Variants in TBATA observed in about 807,000 individuals in gnomAD.
TBATA encodes the protein thymus, brain and testes associated.
A neutral mutation model predicts 38.7 loss-of-function variants in TBATA; 47 were observed. The ratio of observed to expected loss-of-function variants is 1.21; its 90% CI spans 0.96 to 1.55. The LOEUF is 1.55. TBATA is among the 40% of genes most tolerant of loss of function. The probability of loss-of-function intolerance (pLI) is 0.00; values close to 1 mark genes in which losing one functional copy is unlikely to be tolerated. For missense variants in TBATA, 436 were observed against 435.6 expected (o/e 1.00, Z -0.01); for synonymous variants, 183 against 170.5 (o/e 1.07, Z -0.57).
At chr10:70,778,765 G>A (rs773887915) in intron 5 of TBATA, 129 bp from the exon 6 acceptor site, 1 of 833,552 alleles carries the variant, frequency 1.2e-6, no homozygotes, top group Non-Finnish European at 2.0e-6. Flanking sequence ...AAGGGAAAGG[G>A]GGAGGCGGTG....
chr10:70,781,672 C>A, intron 4 of TBATA, 129 bp downstream of exon 4: 1 of 910,424 alleles, frequency 1.1e-6, no homozygotes. Flanking sequence ...TTTGGCAGCC[C>A]TGGGATCCTG....
intron 1 of TBATA, among the ~76,000 whole-genome samples, 194 bp downstream of exon 1, chr10:70,785,091 T>C (rs561419637): frequency 8.8e-4 from 134 of 152,312 alleles, no homozygotes; most frequent in African/African-American, 3.2e-3. Context: ...GCCTGCCTTG[T>C]CCAGAGCGGG....
At position 70,781,875 on chromosome 10, in the gene TBATA, CA is replaced by C; in HGVS notation, c.202del (p.Cys68AlafsTer21). ...TPKPQTPGTY[C>X]FGRLSHHSFF... ...GGAGTGGTGACTGAGGCGTCCAAAGCAGTAGGTGCCAGGGGTTTGGGGCTTT... is the reference window on the plus strand; with the variant it reads ...GGAGTGGTGACTGAGGCGTCCAAAGCGTAGGTGCCAGGGGTTTGGGGCTTT... On this transcript the variant is annotated frameshift_variant, in exon 4 of 11. Transcript: ENST00000456372. LOFTEE classifies it high-confidence loss of function. The C allele has an allele frequency of 6.2e-7, 1 of 1,614,194 alleles. No homozygotes were observed. The highest frequency in any genetic ancestry group is 1.1e-5 in the South Asian group (1 of 91,090).
At chr10:70,782,636 G>A (rs1047593189) in intron 3 of TBATA, 14 of 985,302 alleles carry the variant, frequency 1.4e-5, no homozygotes, top group East Asian at 2.3e-4. Flanking sequence ...GGGCTGTGGC[G>A]CTGAGGGAAG....
chr10:70,778,533 C>G, intron 6 of TBATA, 24 bp downstream of exon 6: 1 of 1,610,292 alleles, frequency 6.2e-7, no homozygotes. Context: ...TCTTCCCAGA[C>G]TAGCTCCTGT....
chr10:70,772,200 T>G (rs1842857468), intron 10 of TBATA: 3 of 559,416 alleles, frequency 5.4e-6, no homozygotes, highest in Non-Finnish European at 1.1e-5. Flanking sequence ...GCCTTGTTAT[T>G]CTCCTTACAG....
At chr10:70,779,841 A>C (rs1589408060) in intron 4 of TBATA, 99 bp from the exon 5 acceptor site, 1 of 1,277,176 alleles carries the variant, frequency 7.8e-7, no homozygotes, top group Non-Finnish European at 1.1e-6. Context: ...TTCCGGCTCC[A>C]CCTCTTCCAG....
intron 6 of TBATA, 116 bp downstream of exon 6, chr10:70,778,441 G>A (rs918178185): frequency 3.0e-6 from 3 of 1,005,730 alleles, no homozygotes; most frequent in Non-Finnish European, 4.8e-6. Flanking sequence ...ACGTTTGTAT[G>A]AATCAGTCCC....
chr10:70,780,352 C>A (rs771851358), intron 4 of TBATA, among the ~76,000 whole-genome samples: 2 of 152,064 alleles, frequency 1.3e-5, no homozygotes, highest in African/African-American at 4.8e-5. Flanking sequence ...TGGCAAGGAC[C>A]TAGCAGGGCT....
intron 9 of TBATA, among the ~76,000 whole-genome samples, chr10:70,773,973 C>T (rs774749325): frequency 2.6e-5 from 4 of 152,246 alleles, no homozygotes; most frequent in African/African-American, 7.2e-5. Flanking sequence ...AAATTGACTC[C>T]GGTGGCCCCC....
intron 9 of TBATA, among the ~76,000 whole-genome samples, 161 bp from the exon 10 acceptor site, chr10:70,772,727 C>T (rs1185757359): frequency 1.3e-5 from 2 of 152,140 alleles, no homozygotes; most frequent in African/African-American, 4.8e-5. Flanking sequence ...CAGAAAACAT[C>T]TGTCCATGAC....
intron 4 of TBATA, among the ~76,000 whole-genome samples, chr10:70,780,237 C>CA (rs1843997680): frequency 8.6e-5 from 13 of 151,552 alleles, no homozygotes; most frequent in Admixed American, 2.6e-4. Flanking sequence ...AGGCTGCGTG[C>CA]AGGGCAGCCT....
In TBATA at chr10:70,771,304, TGGTGG is replaced by T; in HGVS notation, c.*67_*71del. On this transcript the variant is annotated 3_prime_UTR_variant, in exon 11 of 11. Transcript: ENST00000456372. ...AGGGAATCAGGTACTGCTGTGAAGGTGGTGGAGACAGAAACACCCCTGAACCCTTG... is the reference window on the plus strand; with the variant it reads ...AGGGAATCAGGTACTGCTGTGAAGGTAGACAGAAACACCCCTGAACCCTTG... The T allele has an allele frequency of 6.2e-7, 1 of 1,613,482 alleles. No individual in the cohort carries two copies. The highest frequency in any genetic ancestry group is 8.5e-7 in the Non-Finnish European group (1 of 1,179,628).
chr10:70,772,485 C>T, intron 10 of TBATA, 29 bp downstream of exon 10: 1 of 1,612,286 alleles, frequency 6.2e-7, no homozygotes, highest in South Asian at 1.1e-5. Flanking sequence ...TGGTGAGTCC[C>T]CCAAATGACC....
intron 4 of TBATA, 130 bp from the exon 5 acceptor site, chr10:70,779,872 A>T (rs1248695580): frequency 6.1e-6 from 6 of 991,298 alleles, no homozygotes; most frequent in Non-Finnish European, 8.6e-6. Context: ...CTGATAGATT[A>T]TCAGAGCTGG....
chr10:70,776,312 G>A lies in TBATA; in HGVS notation c.693+841C>T, dbSNP rs181273414. The A allele has an allele frequency of 1.2e-4, 57 of 456,328 alleles. No individual in the cohort carries two copies. In the East Asian group the frequency reaches 3.8e-3, roughly 30 times the overall value. The allele number at this position is 456,328 out of a possible 1,614,324, so 28.3% of individuals were successfully genotyped here. Reference sequence around the variant, plus strand: ...GCCCCTGGGCCCTTCTCCATTCTCTGTGTCCAACTTACCTGCCTTGTGCCC... The same window carrying A: ...GCCCCTGGGCCCTTCTCCATTCTCTATGTCCAACTTACCTGCCTTGTGCCC... On this transcript the variant is annotated intron_variant, in intron 7 of 10. Coordinates refer to ENST00000456372, the MANE Select transcript of TBATA (RefSeq NM_001318241.2).
At chr10:70,777,002 A>C in intron 7 of TBATA, 151 bp downstream of exon 7, 1 of 730,020 alleles carries the variant, frequency 1.4e-6, no homozygotes, top group Non-Finnish European at 2.1e-6. Flanking sequence ...GCAGGGGGTC[A>C]TAGCCCCTGC....
rs764219547 is a variant in TBATA at position 70,781,816 on chromosome 10, C to T, written c.262G>A (p.Val88Met). 38 of 1,613,850 alleles carry T rather than the reference C, an allele frequency of 2.4e-5. No homozygotes were observed. The highest frequency in any genetic ancestry group is 6.6e-5 in the South Asian group (6 of 91,078). The change falls in exon 4 of 11, where the codon GTG (valine) becomes ATG (methionine). Residue 88 changes from valine to methionine, a missense_variant. By Grantham distance (21) the Val-to-Met change is conservative (BLOSUM62 1). Coordinates refer to ENST00000456372, the MANE Select transcript of TBATA (RefSeq NM_001318241.2). ...FSRHHPHPQH[V>M]THIQDLTGKP... ...CAGGCCCTACCTTGGATGTGGGTCA[C>T]GTGCTGGGGGTGTGGGTGGTGCCGG...
intron 7 of TBATA, chr10:70,776,364 T>C (rs1256600722): frequency 2.2e-6 from 1 of 456,290 alleles, no homozygotes; most frequent in Admixed American, 2.3e-5. Context: ...GAGAACCTAA[T>C]TCCAGGTGAG....
Sources: gnomAD v4.1 joint callset for allele counts (sites outside exome capture counted in the v4.1 genomes callset) on GRCh38, gnomAD v4.1.1 for gene constraint, MANE v1.5 for transcripts, NCBI Gene and HGNC (gene_info 2026-07-23, HGNC 2026-07-21) for gene names.